The following ENKUR variants were observed in gnomAD, a reference collection of about 807,000 sequenced individuals.
The protein encoded by ENKUR is enkurin.
A neutral mutation model predicts 27.6 loss-of-function variants in ENKUR; 19 were observed. The ratio of observed to expected loss-of-function variants is 0.69; its 90% CI spans 0.48 to 1.01. The LOEUF is 1.01. ENKUR is among the 50% of genes least tolerant of loss of function. The pLI is 0.00. For synonymous variants in ENKUR, 117 were observed against 96.9 expected (o/e 1.21, Z -1.22); for missense variants, 312 against 310.5 (o/e 1.00, Z -0.04).
At chr10:24,997,344 G>A (rs886911803) in intron 2 of ENKUR, among the ~76,000 whole-genome samples, 6 of 150,868 alleles carry the variant, frequency 4.0e-5, no homozygotes, top group African/African-American at 1.2e-4. Context: ...TCATTGGACC[G>A]AGTTTTTAAA....
Position 25,012,973 on chromosome 10 carries a change from A to G in ENKUR, c.77+2887T>C, listed in dbSNP as rs148193454. 5.9e-5 allele frequency among the ~76,000 whole-genome samples: 9 copies of G among 152,264 alleles called. No individual in the cohort carries two copies. The East Asian group carries it at 1.7e-3, about 29-fold the overall frequency. ...CATATGTCATGGGAGGGATCTGGTG[A>G]TAGGTAATTGAATCATGGGAGTGGG... On this transcript the variant is annotated intron_variant, in intron 1 of 5. Transcript: ENST00000331161.
At chr10:25,053,943 G>T (rs991740653) in intron 2 of ENKUR, among the ~76,000 whole-genome samples, 1 of 152,098 alleles carries the variant, frequency 6.6e-6, no homozygotes, top group Non-Finnish European at 1.5e-5. Flanking sequence ...AATCTCAGCC[G>T]CTTTCTTACA....
At chr10:25,008,027 T>C (rs1362279885) in intron 1 of ENKUR, among the ~76,000 whole-genome samples, 1 of 149,292 alleles carries the variant, frequency 6.7e-6, no homozygotes, top group Non-Finnish European at 1.5e-5. Flanking sequence ...ATATGAGATA[T>C]ATAAGCATGA....
chr10:25,048,665 A>G (rs988809814), intron 2 of ENKUR, among the ~76,000 whole-genome samples: 2 of 152,018 alleles, frequency 1.3e-5, no homozygotes, highest in African/African-American at 2.4e-5. Context: ...TCCATGAGCC[A>G]AGGTCTCAGA....
intron 2 of ENKUR, chr10:25,025,621 C>G: frequency 3.1e-6 from 2 of 643,178 alleles, no homozygotes; most frequent in Non-Finnish European, 2.7e-6. Flanking sequence ...TCCATGTCAC[C>G]TCCTCAGATC....
At position 24,995,738 on chromosome 10, in the gene ENKUR, T is replaced by C. The variant is rs1388777093; in HGVS notation, c.355A>G (p.Lys119Glu). The C allele has an allele frequency of 6.2e-7, 1 of 1,614,106 alleles. No homozygotes were observed. Among genetic ancestry groups the C allele is most frequent in the African/African-American group, 1.3e-5 (1 of 75,072 alleles). ...TCAACATAAATTGGTTTAGGCTTTT[T>C]AGCCACTCCCATGATGATATCAGCT... ...NAADIIMGVA[K>E]KPKPIYVDKR... Residue 119 changes from lysine to glutamate, a missense_variant, in exon 3 of 6, where the codon AAA (lysine) becomes GAA (glutamate). Coordinates refer to ENST00000331161, the MANE Select transcript of ENKUR (RefSeq NM_145010.4).
At chr10:24,993,193 A>T (rs1849964394) in intron 3 of ENKUR, among the ~76,000 whole-genome samples, 1 of 152,178 alleles carries the variant, frequency 6.6e-6, no homozygotes, top group Non-Finnish European at 1.5e-5. Context: ...CAGAAAAAAA[A>T]CTCACAAATG....
intron 2 of ENKUR, among the ~76,000 whole-genome samples, chr10:25,035,731 A>G (rs1851000005): frequency 6.6e-6 from 1 of 152,220 alleles, no homozygotes; most frequent in Non-Finnish European, 1.5e-5. Context: ...AACCAAAAAG[A>G]TAAAAATAAT....
chr10:24,992,882 C>T (rs114789552), intron 3 of ENKUR, among the ~76,000 whole-genome samples: 1 of 152,166 alleles, frequency 6.6e-6, no homozygotes, highest in African/African-American at 2.4e-5. Context: ...ACAGGCCAAT[C>T]CACTTCAGGA....
At chr10:24,994,713 G>A (rs1282947321) in intron 3 of ENKUR, among the ~76,000 whole-genome samples, 1 of 152,046 alleles carries the variant, frequency 6.6e-6, no homozygotes, top group Non-Finnish European at 1.5e-5. Flanking sequence ...TTTTTTGTAA[G>A]CTTTTTTATT....
At chr10:25,045,820 A>C (rs1473658030) in intron 2 of ENKUR, among the ~76,000 whole-genome samples, 1 of 152,200 alleles carries the variant, frequency 6.6e-6, no homozygotes, top group Non-Finnish European at 1.5e-5. Flanking sequence ...TTATGGTGAC[A>C]CTTAAGGGCA....
In ENKUR at chr10:24,983,189, A is replaced by G. The variant is rs191478560; in HGVS notation, c.*1181T>C. On this transcript the variant is annotated 3_prime_UTR_variant, in exon 6 of 6. Coordinates refer to ENST00000331161, the MANE Select transcript of ENKUR (RefSeq NM_145010.4). ...CATTGCACAGTGATGTAAATGAAAA[A>G]TGTATCTTTATCAGGAAACTGAGAT... is the stretch of plus-strand genomic sequence containing the variant. The G allele has an allele frequency of 6.6e-6, 1 of 152,072 alleles. No homozygotes were observed. The highest frequency in any genetic ancestry group is 1.5e-5 in the Non-Finnish European group (1 of 67,962). The allele number at this position is 152,072 out of a possible 1,614,324, so 9.4% of individuals were successfully genotyped here.
intron 2 of ENKUR, among the ~76,000 whole-genome samples, chr10:25,032,521 C>T (rs756452540): frequency 6.6e-6 from 1 of 152,178 alleles, no homozygotes; most frequent in Non-Finnish European, 1.5e-5. Flanking sequence ...AAGGCTGTAA[C>T]TGCTTTTTAT....
rs936322829 is a variant in ENKUR, at chr10:24,982,161, C to G, written c.*2209G>C. 1.3e-5 allele frequency: 2 copies of G among 152,056 alleles called. No homozygotes were observed. Among genetic ancestry groups the G allele is most frequent in the African/African-American group, 4.8e-5 (2 of 41,370 alleles). 9.4% of individuals were successfully genotyped at this position (152,056 alleles called of 1,614,324 possible). On this transcript the variant is annotated 3_prime_UTR_variant, in exon 6 of 6. Transcript: ENST00000331161. ...ACCAGATATGCACAATACAATATGA[C>G]CAGTGCTATAAAGGAAGGCCAGATT...
intron 2 of ENKUR, among the ~76,000 whole-genome samples, chr10:25,039,705 A>T (rs192039923): frequency 6.9e-4 from 105 of 152,298 alleles, no homozygotes; most frequent in African/African-American, 2.4e-3. Flanking sequence ...CTACTGCTGC[A>T]TGACTATCAC....
At chr10:25,043,618 C>T (rs191084649) in intron 2 of ENKUR, among the ~76,000 whole-genome samples, 1 of 152,168 alleles carries the variant, frequency 6.6e-6, no homozygotes, top group Non-Finnish European at 1.5e-5. Flanking sequence ...CCTGGATCTA[C>T]AGGCTAATGT....
chr10:25,033,872 A>G (rs1001886834), intron 2 of ENKUR, among the ~76,000 whole-genome samples: 2 of 149,946 alleles, frequency 1.3e-5, no homozygotes, highest in African/African-American at 4.9e-5. Context: ...TCTATCAATC[A>G]TCTATTGTCT....
chr10:25,018,490 G>A (rs1185569934), upstream of ENKUR, among the ~76,000 whole-genome samples: 1 of 152,066 alleles, frequency 6.6e-6, no homozygotes, highest in Non-Finnish European at 1.5e-5. Context: ...AGCCAAAGAC[G>A]GTACTGAACA....
At chr10:24,999,791 C>G (rs1312600799) in intron 1 of ENKUR, among the ~76,000 whole-genome samples, 4 of 152,156 alleles carry the variant, frequency 2.6e-5, no homozygotes, top group African/African-American at 4.8e-5. Context: ...ATCCTTTGAA[C>G]ATCTGTAGCA....
Sources: allele counts gnomAD v4.1 joint callset (sites outside exome capture counted in the v4.1 genomes callset), GRCh38; gene constraint gnomAD v4.1.1; transcripts MANE v1.5; gene names NCBI Gene and HGNC (gene_info 2026-07-23, HGNC 2026-07-21).